Variants in RBFOX1 observed in about 807,000 individuals in gnomAD.
RBFOX1 encodes the protein RNA binding fox-1 homolog 1.
In RBFOX1, 8 loss-of-function variants were observed where a neutral mutation model predicts 57.7. The ratio of observed to expected loss-of-function variants is 0.14; its 90% CI spans 0.08 to 0.25. The LOEUF (loss-of-function observed/expected upper bound fraction) is 0.25, where lower values mean the gene tolerates loss of function less well. Among genes scored for constraint, RBFOX1 ranks in the 10% least tolerant of loss-of-function variants. The pLI, the probability that RBFOX1 is intolerant of heterozygous loss-of-function variation, is 1.00. For synonymous variants in RBFOX1, 326 were observed against 222.4 expected (o/e 1.47, Z -4.15); for missense variants, 611 against 548.5 (o/e 1.11, Z -1.14).
intron 2 of RBFOX1, among the ~76,000 whole-genome samples, chr16:6,569,725 T>G (rs17140617): frequency 0.034 from 5,245 of 152,280 alleles, 309 homozygotes; most frequent in African/African-American, 0.12. Flanking sequence ...ATCCAGAATT[T>G]AGTATTCTCC....
chr16:7,054,303 A>C (rs1162043701), intron 4 of RBFOX1, among the ~76,000 whole-genome samples: 1 of 118,060 alleles, frequency 8.5e-6, no homozygotes, highest in Non-Finnish European at 1.7e-5. Context: ...GCCGTGGCGC[A>C]ATCTCAGTTC....
chr16:5,700,638 C>G (rs946329136), intron 3 of RBFOX1, among the ~76,000 whole-genome samples: 2 of 152,210 alleles, frequency 1.3e-5, no homozygotes, highest in African/African-American at 4.8e-5. Flanking sequence ...CTGGAAAATT[C>G]TCCATAATGA....
chr16:6,266,113 T>G (rs2074455772), intron 1 of RBFOX1, among the ~76,000 whole-genome samples: 1 of 152,094 alleles, frequency 6.6e-6, no homozygotes, highest in African/African-American at 2.4e-5. Flanking sequence ...GGCGGAAGCT[T>G]TAAGAGCCTC....
At chr16:7,115,777 C>G (rs574950934) in intron 4 of RBFOX1, among the ~76,000 whole-genome samples, 1 of 151,608 alleles carries the variant, frequency 6.6e-6, no homozygotes, top group Non-Finnish European at 1.5e-5. Flanking sequence ...ATTAATTAAT[C>G]TAGCCTGCCC....
intron 3 of RBFOX1, among the ~76,000 whole-genome samples, chr16:5,615,783 A>G (rs1015099093): frequency 2.0e-5 from 3 of 152,216 alleles, no homozygotes; most frequent in African/African-American, 7.2e-5. Context: ...ATGAGTGCCT[A>G]TCTGGGTTTC....
chr16:5,840,675 C>G (rs889768817), intron 3 of RBFOX1, among the ~76,000 whole-genome samples: 1 of 152,184 alleles, frequency 6.6e-6, no homozygotes, highest in African/African-American at 2.4e-5. Flanking sequence ...AGAAGTGAGG[C>G]CGTGGGTCAC....
At chr16:7,419,979 G>C (rs1292604920) in intron 4 of RBFOX1, among the ~76,000 whole-genome samples, 1 of 133,220 alleles carries the variant, frequency 7.5e-6, no homozygotes, top group Non-Finnish European at 1.5e-5. Flanking sequence ...TATGGTTTTA[G>C]AACCCAGTTT....
At chr16:6,722,466 A>G (rs2066212863) in intron 3 of RBFOX1, among the ~76,000 whole-genome samples, 2 of 152,024 alleles carry the variant, frequency 1.3e-5, no homozygotes, top group Admixed American at 6.5e-5. Flanking sequence ...CTCCTTTCTG[A>G]TGAAAGCGGC....
chr16:6,293,072 C>T (rs2077640149), intron 1 of RBFOX1, among the ~76,000 whole-genome samples: 1 of 152,182 alleles, frequency 6.6e-6, no homozygotes, highest in East Asian at 1.9e-4. Context: ...ATCTACTCCT[C>T]ATAGCCACAC....
rs59509314 is a variant in RBFOX1 at position 7,711,227 on chromosome 16, GA to G, written c.*495del. The G allele has an allele frequency of 0.43, 61,600 of 144,248 alleles. 13,487 individuals are homozygous for G. Among genetic ancestry groups the G allele is most frequent in the East Asian group, 0.66 (3,276 of 4,978 alleles). 8.9% of individuals were successfully genotyped at this position (144,248 alleles called of 1,614,324 possible). On this transcript the variant is annotated 3_prime_UTR_variant, in exon 16 of 16. Transcript: ENST00000550418. ...GATTGGAACTGGGGTTTGGCTGAAA[GA>G]AAAAAAAAAAAATGTAACTGATGAA...
intron 4 of RBFOX1, among the ~76,000 whole-genome samples, chr16:7,467,180 C>T (rs953150658): frequency 6.6e-6 from 1 of 152,034 alleles, no homozygotes; most frequent in African/African-American, 2.4e-5. Flanking sequence ...TCTTTGCATC[C>T]CTATGTGCTA....
At chr16:6,565,261 C>CTTTTTT (rs71145253) in intron 2 of RBFOX1, among the ~76,000 whole-genome samples, 2 of 147,658 alleles carry the variant, frequency 1.4e-5, no homozygotes, top group Non-Finnish European at 3.0e-5. Context: ...CTTTTCTTTT[C>CTTTTTT]TTTTTTTTTG....
intron 10 of RBFOX1, among the ~76,000 whole-genome samples, chr16:7,628,211 AT>A (rs1321665763): frequency 6.6e-6 from 1 of 152,140 alleles, no homozygotes; most frequent in Non-Finnish European, 1.5e-5. Flanking sequence ...TTCATAGCTG[AT>A]TTTAAGTGTT....
intron 4 of RBFOX1, among the ~76,000 whole-genome samples, chr16:7,386,865 T>C (rs141387836): frequency 7.0e-4 from 107 of 152,336 alleles, no homozygotes; most frequent in African/African-American, 2.5e-3. Flanking sequence ...GTGTTCCTAT[T>C]TCTCCACATC....
At chr16:5,848,283 C>T (rs2056806786) in intron 3 of RBFOX1, among the ~76,000 whole-genome samples, 1 of 152,162 alleles carries the variant, frequency 6.6e-6, no homozygotes, top group Non-Finnish European at 1.5e-5. Context: ...GTGCAGCCCA[C>T]CACCAGTGGA....
At chr16:5,269,774 T>C (rs1452461155) in intron 1 of RBFOX1, among the ~76,000 whole-genome samples, 5 of 152,208 alleles carry the variant, frequency 3.3e-5, no homozygotes, top group Admixed American at 6.5e-5. Context: ...TGTATATCTC[T>C]GAATATATTA....
chr16:7,155,383 G>C (rs572113655), intron 4 of RBFOX1, among the ~76,000 whole-genome samples: 1 of 151,938 alleles, frequency 6.6e-6, no homozygotes, highest in South Asian at 2.1e-4. Flanking sequence ...TAAGCCAGGA[G>C]TTCAAAACCA....
chr16:5,268,596 C>A (rs910504814), intron 1 of RBFOX1, among the ~76,000 whole-genome samples: 3 of 152,202 alleles, frequency 2.0e-5, no homozygotes, highest in African/African-American at 7.2e-5. Flanking sequence ...TTATGAGCAA[C>A]TGATGAAGTC....
intron 3 of RBFOX1, among the ~76,000 whole-genome samples, chr16:6,999,813 T>C (rs1034287102): frequency 4.6e-5 from 7 of 152,190 alleles, no homozygotes; most frequent in Non-Finnish European, 7.3e-5. Context: ...GGCTCATGCC[T>C]GTAATCCCAG....
Sources: allele counts gnomAD v4.1 joint callset (sites outside exome capture counted in the v4.1 genomes callset), GRCh38; gene constraint gnomAD v4.1.1; transcripts MANE v1.5; gene names NCBI Gene and HGNC (gene_info 2026-07-23, HGNC 2026-07-21).